P4HTM: variants seen among roughly 807,000 people sequenced by gnomAD.
P4HTM encodes prolyl 4-hydroxylase, transmembrane.
In P4HTM, 33 loss-of-function variants were observed where a neutral mutation model predicts 55.3. The observed-to-expected ratio is 0.60, with a 90% CI of 0.45 to 0.80. The LOEUF is 0.80. Among genes scored for constraint, P4HTM ranks in the 30% least tolerant of loss-of-function variants. P4HTM has a pLI of 0.00. For synonymous variants in P4HTM, 272 were observed against 286.4 expected (o/e 0.95, Z 0.51); for missense variants, 542 against 696.5 (o/e 0.78, Z 2.50).
chr3:49,000,937 C>G (rs2092959326), intron 2 of P4HTM: 1 of 209,034 alleles, frequency 4.8e-6, no homozygotes, highest in African/African-American at 2.3e-5. Context: ...GGCCAGCACC[C>G]ATCTTTGCAG....
At chr3:49,005,183 C>T (rs768018559) in intron 6 of P4HTM, 137 bp downstream of exon 6, 3 of 1,590,452 alleles carry the variant, frequency 1.9e-6, no homozygotes, top group South Asian at 1.1e-5. Context: ...TAGTGATGCC[C>T]TCACCTCTCC....
Position 49,007,008 on chromosome 3 carries a change from T to C in P4HTM, c.*101T>C, listed in dbSNP as rs1284271281. On this transcript the variant is annotated 3_prime_UTR_variant, in exon 9 of 9. Coordinates refer to ENST00000383729, the MANE Select transcript of P4HTM (RefSeq NM_177939.3). The surrounding 1 kb of genome is among the most constrained non-coding windows in gnomAD (Gnocchi z 5.1). ...TGCTGCAGACTAAAGGTCTGGCCAA[T>C]GTCTTGCCCCACCCCGCCAGCCGCG... 2 of 990,032 alleles carry C rather than the reference T, an allele frequency of 2.0e-6. No homozygotes were observed. Among genetic ancestry groups the C allele is most frequent in the East Asian group, 2.6e-5 (1 of 38,172 alleles). 61.3% of individuals were successfully genotyped at this position (990,032 alleles called of 1,614,324 possible).
chr3:49,004,960 G>C lies in P4HTM; in HGVS notation c.987G>C (p.Val329=). The change falls in exon 6 of 9, where the codon GTG becomes GTC. Residue 329 remains valine (V), a synonymous_variant. Coordinates refer to ENST00000383729, the MANE Select transcript of P4HTM (RefSeq NM_177939.3). ...AGGGGGGCCACTACCATGCCCACGT[G>C]GACAGTGGGCCTGTGTACCCAGAGA... The part of the protein sequence containing the change: ...YGEGGHYHAH[V]DSGPVYPETI... The C allele has an allele frequency of 1.2e-6, 2 of 1,613,938 alleles. No homozygotes were observed. Among genetic ancestry groups the C allele is most frequent in the East Asian group, 4.5e-5 (2 of 44,874 alleles).
intron 2 of P4HTM, chr3:48,996,208 A>G (rs2092945055): frequency 6.6e-6 from 1 of 152,268 alleles, no homozygotes; most frequent in Non-Finnish European, 1.5e-5. Flanking sequence ...TCCTCATGAC[A>G]AACACTGGAG....
chr3:49,007,114 G>T lies in P4HTM; in HGVS notation c.*207G>T. The T allele has an allele frequency of 1.5e-6, 1 of 687,838 alleles. No homozygotes were observed. The highest frequency in any genetic ancestry group is 2.4e-6 in the Non-Finnish European group (1 of 418,006). The allele number at this position is 687,838 out of a possible 1,614,324, so 42.6% of individuals were successfully genotyped here. A position where few individuals can be genotyped will look rare whatever the true frequency, so the allele number is the denominator to read the frequency against. On this transcript the variant is annotated 3_prime_UTR_variant, in exon 9 of 9. Transcript: ENST00000383729. The surrounding 1 kb of genome is among the most constrained non-coding windows in gnomAD (Gnocchi z 5.1). ...CGTCAAATAAAAAACCACAAGGTTCGAGCCGCCGGGCCCGACAAACTCCGG... is the reference window on the plus strand; with the variant it reads ...CGTCAAATAAAAAACCACAAGGTTCTAGCCGCCGGGCCCGACAAACTCCGG...
At position 49,002,669 on chromosome 3, in the gene P4HTM, C is replaced by T. The variant is rs1392713706; in HGVS notation, c.724+73C>T. The T allele has an allele frequency of 4.2e-6, 5 of 1,180,638 alleles. No individual in the cohort carries two copies. The highest frequency in any genetic ancestry group is 1.7e-5 in the Admixed American group (1 of 59,168). The allele number at this position is 1,180,638 out of a possible 1,614,324, so 73.1% of individuals were successfully genotyped here. A position where few individuals can be genotyped will look rare whatever the true frequency, so the allele number is the denominator to read the frequency against. ...ACTCCCAGGTGCACAATTTTGAAAACTTGGGCCCTTCCCCCACAGCCAGGC... is the reference window on the plus strand; with the variant it reads ...ACTCCCAGGTGCACAATTTTGAAAATTTGGGCCCTTCCCCCACAGCCAGGC... On this transcript the variant is annotated intron_variant, in intron 4 of 8. Coordinates refer to ENST00000383729, the MANE Select transcript of P4HTM (RefSeq NM_177939.3). This position sits in a 1 kb window ranked among gnomAD's most constrained non-coding sequence, Gnocchi z 4.4.
intron 3 of P4HTM, 107 bp downstream of exon 3, chr3:49,001,735 C>T (rs567658392): frequency 1.0e-6 from 1 of 962,476 alleles, no homozygotes; most frequent in African/African-American, 1.6e-5. Context: ...AAGTCAGATA[C>T]TACCCAGACC....
chr3:49,006,209 T>TGG, intron 8 of P4HTM, 22 bp downstream of exon 8: 13 of 1,595,302 alleles, frequency 8.1e-6, no homozygotes, highest in Non-Finnish European at 7.7e-6. Flanking sequence ...TGGCCAGGCC[T>TGG]GGGGGGGGTG....
Position 48,990,817 on chromosome 3 carries a change from T to G in P4HTM, c.355-16T>G. On this transcript the variant is annotated splice_polypyrimidine_tract_variant and intron_variant, in intron 1 of 8. Transcript: ENST00000383729. This position sits in a 1 kb window ranked among gnomAD's most constrained non-coding sequence, Gnocchi z 7.2. The stretch of plus-strand genomic sequence containing the variant: ...GGTCTGGCGCCCCAGCTGCCCGCTG[T>G]GCGCCTTTTCCTTAGGTGGGGCACG... 1 of 1,611,600 alleles carries G rather than the reference T, an allele frequency of 6.2e-7. No individual in the cohort carries two copies. Among genetic ancestry groups the G allele is most frequent in the Non-Finnish European group, 8.5e-7 (1 of 1,178,084 alleles).
intron 2 of P4HTM, chr3:48,996,463 G>A (rs1245717840): frequency 6.6e-6 from 1 of 152,172 alleles, no homozygotes; most frequent in Non-Finnish European, 1.5e-5. Flanking sequence ...CTGGGTTCAA[G>A]TGATTCTCCT....
intron 2 of P4HTM, chr3:48,991,345 C>T (rs911841390): frequency 6.2e-6 from 1 of 160,672 alleles, no homozygotes; most frequent in African/African-American, 2.4e-5. Flanking sequence ...AACTGGTACC[C>T]CCCCAGCCTC....
At chr3:49,005,430 A>C (rs1295994324) in intron 6 of P4HTM, 1 of 1,391,540 alleles carries the variant, frequency 7.2e-7, no homozygotes, top group Admixed American at 3.3e-5. Flanking sequence ...TTTCCTCTTC[A>C]GGTGGCTGTT....
At chr3:48,996,033 AAG>A (rs1294383019) in intron 2 of P4HTM, 2 of 152,238 alleles carry the variant, frequency 1.3e-5, no homozygotes, top group Non-Finnish European at 2.9e-5. Flanking sequence ...AGTGGCCAGC[AAG>A]AGTTTTAATC....
chr3:49,004,817 C>G, intron 5 of P4HTM, 44 bp from the exon 6 acceptor site: 3 of 1,567,926 alleles, frequency 1.9e-6, no homozygotes, highest in Non-Finnish European at 2.6e-6. Context: ...TTCAGATCAC[C>G]ACCTTGCCTG....
chr3:49,005,226 G>T, intron 6 of P4HTM, 180 bp downstream of exon 6: 1 of 1,543,732 alleles, frequency 6.5e-7, no homozygotes, highest in Non-Finnish European at 8.7e-7. Context: ...CTGGAAAGGG[G>T]TGGCTACTGG....
intron 2 of P4HTM, 78 bp from the exon 3 acceptor site, chr3:49,001,360 A>T (rs1222231689): frequency 7.3e-7 from 1 of 1,363,278 alleles, no homozygotes; most frequent in Non-Finnish European, 1.0e-6. Context: ...TACCCCAGGA[A>T]CCCTGAAGGG....
At chr3:49,000,393 T>TA (rs1357048794) in intron 2 of P4HTM, among the ~76,000 whole-genome samples, 1 of 151,882 alleles carries the variant, frequency 6.6e-6, no homozygotes, top group East Asian at 1.9e-4. Flanking sequence ...CTACAAAAAA[T>TA]AAAAAAATAA....
chr3:48,997,048 A>C (rs1425674639), intron 2 of P4HTM, among the ~76,000 whole-genome samples: 4 of 152,196 alleles, frequency 2.6e-5, no homozygotes, highest in Non-Finnish European at 5.9e-5. Context: ...TGGAAAGTGT[A>C]CTTCCACCCT....
rs1261857534 is a variant in P4HTM, at chr3:49,002,373, C to T, written c.628-127C>T. ...CCTGCACTCACTTTGGCCCAATGGG[C>T]TCTGCCCTGTGTCCTCATCCATGCC... On this transcript the variant is annotated intron_variant, in intron 3 of 8. Coordinates refer to ENST00000383729, the MANE Select transcript of P4HTM (RefSeq NM_177939.3). The surrounding 1 kb of genome is among the most constrained non-coding windows in gnomAD (Gnocchi z 4.4). The T allele has an allele frequency of 1.4e-6, 1 of 735,522 alleles. No individual in the cohort carries two copies. The highest frequency in any genetic ancestry group is 2.4e-6 in the Non-Finnish European group (1 of 418,262). 45.6% of individuals were successfully genotyped at this position (735,522 alleles called of 1,614,324 possible). A position where few individuals can be genotyped will look rare whatever the true frequency, so the allele number is the denominator to read the frequency against.
Sources: allele counts gnomAD v4.1 joint callset (sites outside exome capture counted in the v4.1 genomes callset), GRCh38; gene constraint gnomAD v4.1.1; non-coding constraint Gnocchi (gnomAD v3.1); transcripts MANE v1.5; gene names NCBI Gene and HGNC (gene_info 2026-07-23, HGNC 2026-07-21).